PARD3: variants seen among roughly 807,000 people sequenced by gnomAD.
PARD3 encodes par-3 family cell polarity regulator.
PARD3 carries 75 observed loss-of-function variants against 155.4 expected under a neutral mutation model. That is an observed-to-expected ratio of 0.48 (90% confidence interval 0.40 to 0.58). The LOEUF is 0.58. PARD3 is among the 20% of genes least tolerant of loss of function. The pLI is 0.00. For missense variants in PARD3, 1,642 were observed against 1,721.7 expected, an observed-to-expected ratio of 0.95 and a Z score of 0.82; for synonymous variants, 576 against 610.5, an observed-to-expected ratio of 0.94 and a Z score of 0.83.
At chr10:34,517,553 C>T (rs1409123926) in intron 2 of PARD3, among the ~76,000 whole-genome samples, 1 of 152,022 alleles carries the variant, frequency 6.6e-6, no homozygotes, top group Non-Finnish European at 1.5e-5. Context: ...GTATGAACTA[C>T]TATTCACATA....
intron 7 of PARD3, among the ~76,000 whole-genome samples, chr10:34,390,387 G>C (rs563877694): frequency 6.6e-6 from 1 of 152,112 alleles, no homozygotes; most frequent in South Asian, 2.1e-4. Flanking sequence ...CACCACTGGA[G>C]GGAATTTCAA....
chr10:34,171,392 C>T (rs1358384390), intron 22 of PARD3, among the ~76,000 whole-genome samples: 1 of 152,072 alleles, frequency 6.6e-6, no homozygotes, highest in Non-Finnish European at 1.5e-5. Flanking sequence ...AAGACGCTGG[C>T]TAATACTAAA....
At chr10:34,557,217 G>A (rs534506281) in intron 2 of PARD3, among the ~76,000 whole-genome samples, 2 of 152,278 alleles carry the variant, frequency 1.3e-5, no homozygotes, top group East Asian at 1.9e-4. Flanking sequence ...TGGTTTTGAG[G>A]AGAAAAATAG....
intron 24 of PARD3, among the ~76,000 whole-genome samples, chr10:34,115,141 G>A (rs796969052): frequency 1.3e-5 from 2 of 152,162 alleles, no homozygotes; most frequent in African/African-American, 4.8e-5. Context: ...CAGAGGGAGC[G>A]AGGCTAAGAA....
At chr10:34,366,198 A>C (rs75397161) in intron 12 of PARD3, among the ~76,000 whole-genome samples, 10,267 of 152,228 alleles carry the variant, frequency 0.067, 468 homozygotes, top group Non-Finnish European at 0.096. Context: ...TCCACTTTTG[A>C]TGGTGCCCAT....
At position 34,243,621 on chromosome 10, in the gene PARD3, A is replaced by AG. The variant is rs777234441; in HGVS notation, c.3419+26035dup. On this transcript the variant is annotated intron_variant, in intron 22 of 24. Transcript: ENST00000374788. ...GGGAGGCCAAGGTGGATGGATCACG[A>AG]GGTCAGGAGTTCCAGACCAGCCTGG... 4.6e-5 allele frequency among the ~76,000 whole-genome samples: 7 copies of AG among 152,170 alleles called. No homozygotes were observed. The East Asian group carries it at 5.8e-4, about 13-fold the overall frequency.
At chr10:34,344,139 A>C (rs1338789909) in intron 15 of PARD3, 1 of 981,566 alleles carries the variant, frequency 1.0e-6, no homozygotes, top group African/African-American at 1.7e-5. Flanking sequence ...AAAATTATTC[A>C]GCTAAAAAAG....
chr10:34,609,587 G>C (rs1261494799), intron 2 of PARD3, among the ~76,000 whole-genome samples: 1 of 152,182 alleles, frequency 6.6e-6, no homozygotes. Context: ...TTGTCACCCA[G>C]ACTGGAGTGC....
At chr10:34,183,179 AACTG>A (rs1950340927) in intron 22 of PARD3, among the ~76,000 whole-genome samples, 1 of 152,204 alleles carries the variant, frequency 6.6e-6, no homozygotes, top group African/African-American at 2.4e-5. Context: ...TGAATCTCTG[AACTG>A]ACTATTAACA....
chr10:34,186,753 C>T (rs1261772569), intron 22 of PARD3, among the ~76,000 whole-genome samples: 2 of 152,176 alleles, frequency 1.3e-5, no homozygotes, highest in Non-Finnish European at 2.9e-5. Flanking sequence ...ACTCAGCCGT[C>T]TGTCTCTGCC....
intron 1 of PARD3, among the ~76,000 whole-genome samples, chr10:34,787,247 C>T (rs1002855378): frequency 8.6e-5 from 13 of 151,996 alleles, no homozygotes; most frequent in African/African-American, 2.9e-4. Context: ...GGTGTGGTGG[C>T]GGGCGCCTGT....
At chr10:34,730,722 G>C (rs2094801795) in intron 1 of PARD3, among the ~76,000 whole-genome samples, 2 of 152,174 alleles carry the variant, frequency 1.3e-5, no homozygotes, top group Non-Finnish European at 2.9e-5. Flanking sequence ...AGGAGTACAA[G>C]GCTGCAGTGA....
At chr10:34,712,912 T>C (rs2094467845) in intron 1 of PARD3, among the ~76,000 whole-genome samples, 1 of 152,024 alleles carries the variant, frequency 6.6e-6, no homozygotes, top group Admixed American at 6.6e-5. Flanking sequence ...TCCCTGAATC[T>C]AAAATAAAAG....
At chr10:34,213,386 G>A (rs929834835) in intron 22 of PARD3, among the ~76,000 whole-genome samples, 2 of 152,128 alleles carry the variant, frequency 1.3e-5, no homozygotes, top group Admixed American at 1.3e-4. Flanking sequence ...CTGCCTCAGT[G>A]ACCCAAGCAC....
chr10:34,313,342 C>T (rs1313821361), intron 20 of PARD3, among the ~76,000 whole-genome samples: 1 of 152,130 alleles, frequency 6.6e-6, no homozygotes, highest in Admixed American at 6.5e-5. Flanking sequence ...GATAGAAGCT[C>T]CTTGTGTGCA....
chr10:34,381,016 CTG>C (rs1310528681), intron 9 of PARD3, among the ~76,000 whole-genome samples: 1 of 152,134 alleles, frequency 6.6e-6, no homozygotes, highest in Non-Finnish European at 1.5e-5. Flanking sequence ...TGATATGACT[CTG>C]TGTTTGCAAC....
At chr10:34,384,069 G>A in intron 8 of PARD3, 60 bp downstream of exon 8, 1 of 1,539,458 alleles carries the variant, frequency 6.5e-7, no homozygotes, top group South Asian at 1.2e-5. Flanking sequence ...CATTTCAACT[G>A]ACTGCACTCT....
chr10:34,240,538 G>A (rs1314525313), intron 22 of PARD3, among the ~76,000 whole-genome samples: 1 of 152,066 alleles, frequency 6.6e-6, no homozygotes, highest in African/African-American at 2.4e-5. Flanking sequence ...TTTTTCAGAA[G>A]GCATGTGAAA....
chr10:34,175,157 C>T (rs2133149719), intron 22 of PARD3, among the ~76,000 whole-genome samples: 1 of 152,238 alleles, frequency 6.6e-6, no homozygotes, highest in South Asian at 2.1e-4. Flanking sequence ...TTTAACTGCA[C>T]ATGGTAAAAA....
Sources: allele counts gnomAD v4.1 joint callset (sites outside exome capture counted in the v4.1 genomes callset), GRCh38; gene constraint gnomAD v4.1.1; transcripts MANE v1.5; gene names NCBI Gene and HGNC (gene_info 2026-07-23, HGNC 2026-07-21).